The following LRP5 variants were observed in gnomAD, a reference collection of about 807,000 sequenced individuals.
LRP5 encodes the protein LDL receptor related protein 5, also known as low-density lipoprotein receptor-related protein 5.
A neutral mutation model predicts 154.1 loss-of-function variants in LRP5; 62 were observed. The observed-to-expected ratio is 0.40, with a 90% confidence interval of 0.33 to 0.50. The LOEUF (loss-of-function observed/expected upper bound fraction) is 0.50. LRP5 is among the 20% of genes least tolerant of loss of function. The pLI, the probability that LRP5 is intolerant of heterozygous loss-of-function variation, is 0.55. For missense variants in LRP5, 1,915 were observed against 2,336.7 expected, an observed-to-expected ratio of 0.82 and a Z score of 3.72; for synonymous variants, 966 against 1,011.5, an observed-to-expected ratio of 0.96 and a Z score of 0.85.
Position 68,403,676 on chromosome 11 carries a change from C to A in LRP5, c.1778C>A (p.Ala593Asp). ...DQLPDLMGLKAVNVAKVVGTN... is the reference protein window; with the variant it reads ...DQLPDLMGLKDVNVAKVVGTN... ...CTGCCCGACCTGATGGGGCTCAAAGCTGTGAATGTGGCCAAGGTCGTCGGT... is the reference window on the plus strand; with the variant it reads ...CTGCCCGACCTGATGGGGCTCAAAGATGTGAATGTGGCCAAGGTCGTCGGT... The change falls in exon 8 of 23, where the codon GCT becomes GAT. Residue 593 changes from alanine (A) to aspartate (D), a missense_variant. Transcript: ENST00000294304. The A allele has an allele frequency of 6.2e-7, 1 of 1,614,078 alleles. No individual in the cohort carries two copies. Among genetic ancestry groups the A allele is most frequent in the Non-Finnish European group, 8.5e-7 (1 of 1,180,048 alleles).
chr11:68,410,230 T>A, intron 10 of LRP5, 90 bp downstream of exon 10: 1 of 1,037,344 alleles, frequency 9.6e-7, no homozygotes, highest in Non-Finnish European at 1.5e-6. Context: ...AGGCTGTCCG[T>A]GTGGCCCTCG....
upstream of LRP5, among the ~76,000 whole-genome samples, chr11:68,308,923 A>ATTTTTTTTTTTTTTTT (rs34529621): frequency 1.3e-5 from 1 of 74,482 alleles, no homozygotes. Flanking sequence ...TAATCAGCTA[A>ATTTTTTTTTTTTTTTT]TTTTTTTTTT....
At chr11:68,351,810 C>T (rs1030539611) in intron 2 of LRP5, among the ~76,000 whole-genome samples, 1 of 152,120 alleles carries the variant, frequency 6.6e-6, no homozygotes, top group African/African-American at 2.4e-5. Flanking sequence ...CGAGGGGCTT[C>T]CGTCGGAGCT....
intron 2 of LRP5, among the ~76,000 whole-genome samples, chr11:68,355,568 G>T (rs913949433): frequency 2.6e-5 from 4 of 152,158 alleles, no homozygotes; most frequent in East Asian, 3.9e-4. Flanking sequence ...TGAGAGTCAC[G>T]CCCAGCCTCT....
intron 7 of LRP5, among the ~76,000 whole-genome samples, chr11:68,392,151 A>G (rs567399840): frequency 6.6e-6 from 1 of 152,352 alleles, no homozygotes; most frequent in South Asian, 2.1e-4. Context: ...ACGCAGCTCA[A>G]TGATTTTATT....
At chr11:68,427,392 G>T (rs2098669381) in intron 16 of LRP5, among the ~76,000 whole-genome samples, 1 of 152,000 alleles carries the variant, frequency 6.6e-6, no homozygotes, top group African/African-American at 2.4e-5. Context: ...AAACAAAAAG[G>T]GACCAGGCTG....
rs756825499 is a variant in LRP5, at chr11:68,425,299, G to A, written c.3427+7G>A. The A allele has an allele frequency of 8.3e-5, 133 of 1,601,648 alleles. 2 individuals are homozygous for A. The South Asian group carries it at 1.2e-3, about 14-fold the overall frequency. On this transcript the variant is annotated splice_region_variant and intron_variant, in intron 15 of 22. Coordinates refer to ENST00000294304, the MANE Select transcript of LRP5 (RefSeq NM_002335.4). The stretch of plus-strand genomic sequence containing the variant: ...GAGAGCTGTGACCTGTCAGGTACGC[G>A]CCCCGGGGCCTGCCCTAACCGCAGA...
At chr11:68,392,987 G>A (rs1050526366) in intron 7 of LRP5, among the ~76,000 whole-genome samples, 2 of 152,142 alleles carry the variant, frequency 1.3e-5, no homozygotes, top group African/African-American at 4.8e-5. Flanking sequence ...TTAACTGAAC[G>A]TGGTGGTGGT....
chr11:68,380,513 G>A (rs563577443), intron 5 of LRP5, among the ~76,000 whole-genome samples: 1 of 152,342 alleles, frequency 6.6e-6, no homozygotes, highest in African/African-American at 2.4e-5. Context: ...CCCGTCCGAC[G>A]ATAACCACTG....
intron 7 of LRP5, among the ~76,000 whole-genome samples, chr11:68,395,852 A>G (rs1216085446): frequency 6.6e-6 from 1 of 151,990 alleles, no homozygotes; most frequent in Non-Finnish European, 1.5e-5. Flanking sequence ...TCCTCCTGCA[A>G]GTGGCCACCG....
intron 2 of LRP5, among the ~76,000 whole-genome samples, chr11:68,350,835 G>A (rs1182842949): frequency 1.3e-5 from 2 of 152,252 alleles, no homozygotes; most frequent in East Asian, 1.9e-4. Context: ...AGGTTTGTGT[G>A]AGAGCCAGGC....
chr11:68,439,891 G>GCACGAAGGC lies in LRP5; in HGVS notation c.4468_4476dup (p.Lys1490_Thr1492dup). 6.5e-7 allele frequency: 1 copy of GCACGAAGGC among 1,527,262 alleles called. No individual in the cohort carries two copies. Among genetic ancestry groups the GCACGAAGGC allele is most frequent in the South Asian group, 1.2e-5 (1 of 84,810 alleles). 94.6% of individuals were successfully genotyped at this position (1,527,262 alleles called of 1,614,324 possible). On this transcript the variant is annotated inframe_insertion, in exon 21 of 23. Coordinates refer to ENST00000294304, the MANE Select transcript of LRP5 (RefSeq NM_002335.4). ...GGGGCCTCGTCCAGCAGCTCGTCCA[G>GCACGAAGGC]CACGAAGGCCACGCTGTACCCGCCG...
chr11:68,402,510 A>C (rs921561554), intron 7 of LRP5, among the ~76,000 whole-genome samples: 15 of 152,096 alleles, frequency 9.9e-5, no homozygotes, highest in African/African-American at 2.9e-4. Context: ...ACCCAGCGGG[A>C]AATGAGTTCA....
At chr11:68,313,138 G>A (rs1386763128) in intron 1 of LRP5, among the ~76,000 whole-genome samples, 1 of 150,330 alleles carries the variant, frequency 6.7e-6, no homozygotes, top group African/African-American at 2.4e-5. Flanking sequence ...GGCCCGTGTG[G>A]CCCGGGCCGG....
At chr11:68,387,918 G>A (rs1238759377) in intron 6 of LRP5, among the ~76,000 whole-genome samples, 3 of 152,230 alleles carry the variant, frequency 2.0e-5, no homozygotes, top group Admixed American at 6.5e-5. Context: ...GCGGCGGGCA[G>A]AGGATTTGTG....
At position 68,439,788 on chromosome 11, in the gene LRP5, G is replaced by C; in HGVS notation, c.4360G>C (p.Gly1454Arg). The C allele has an allele frequency of 1.2e-6, 2 of 1,611,420 alleles. No homozygotes were observed. Among genetic ancestry groups the C allele is most frequent in the Non-Finnish European group, 1.7e-6 (2 of 1,179,536 alleles). ...CCCTTCCCTGCCAGGCATCGCATGCGGAAAGTCCATGATGAGCTCCGTGAG... is the reference window on the plus strand; with the variant it reads ...CCCTTCCCTGCCAGGCATCGCATGCCGAAAGTCCATGATGAGCTCCGTGAG... ...QHGPFTGIAC[G>R]KSMMSSVSLM... Residue 1454 changes from glycine (G) to arginine (R), a missense_variant, in exon 21 of 23, where the codon GGA becomes CGA. Transcript: ENST00000294304.
chr11:68,416,436 T>C lies in LRP5; in HGVS notation c.2936T>C (p.Val979Ala). 6.2e-7 allele frequency: 1 copy of C among 1,614,066 alleles called. No individual in the cohort carries two copies. Among genetic ancestry groups the C allele is most frequent in the South Asian group, 1.1e-5 (1 of 91,068 alleles). ...CTGCCCCTGCATGGACTGAGGAACG[T>C]CAAAGCCATCGACTATGACCCACTG... Reference protein sequence around the residue: ...LILPLHGLRNVKAIDYDPLDK... With the variant: ...LILPLHGLRNAKAIDYDPLDK... The change falls in exon 13 of 23, where the codon GTC becomes GCC. Residue 979 changes from valine to alanine, a missense_variant. Transcript: ENST00000294304.
chr11:68,442,701 G>A (rs1342769485), intron 21 of LRP5, among the ~76,000 whole-genome samples: 2 of 152,224 alleles, frequency 1.3e-5, no homozygotes, highest in African/African-American at 4.8e-5. Flanking sequence ...CAGCTGCCGT[G>A]TGCACCCTGC....
At chr11:68,380,998 C>T (rs1477640464) in intron 5 of LRP5, among the ~76,000 whole-genome samples, 1 of 152,164 alleles carries the variant, frequency 6.6e-6, no homozygotes, top group African/African-American at 2.4e-5. Flanking sequence ...TGTAATCAAG[C>T]GAGGATGAGG....
Sources: gnomAD v4.1 joint callset for allele counts (sites outside exome capture counted in the v4.1 genomes callset) on GRCh38, gnomAD v4.1.1 for gene constraint, MANE v1.5 for transcripts, NCBI Gene and HGNC (gene_info 2026-07-23, HGNC 2026-07-21) for gene names.